Variants in ZNF341 observed in about 807,000 individuals in gnomAD.
ZNF341 encodes zinc finger protein 341.
Under a neutral mutation model 87.7 loss-of-function variants are expected in ZNF341, and 52 were observed. That is an observed-to-expected ratio of 0.59 (90% CI 0.47 to 0.75). ZNF341 has a LOEUF of 0.75. Among genes scored for constraint, ZNF341 ranks in the 30% least tolerant of loss-of-function variants. The probability of loss-of-function intolerance (pLI) is 0.00; values close to 1 mark genes in which losing one functional copy is unlikely to be tolerated. For missense variants in ZNF341, 977 were observed against 1,145.9 expected, an observed-to-expected ratio of 0.85 and a Z score of 2.13; for synonymous variants, 459 against 472.7, an observed-to-expected ratio of 0.97 and a Z score of 0.38.
intron 12 of ZNF341, among the ~76,000 whole-genome samples, chr20:33,786,788 T>C (rs1417372882): frequency 7.6e-6 from 1 of 130,980 alleles, no homozygotes; most frequent in Non-Finnish European, 1.7e-5. Context: ...GCCAACGTGA[T>C]GAAACCCCGT....
Position 33,789,567 on chromosome 20 carries a change from G to A in ZNF341, c.2014G>A (p.Ala672Thr), listed in dbSNP as rs1295434436. Residue 672 changes from alanine to threonine, a missense_variant, in exon 14 of 15, where the codon GCC becomes ACC. By Grantham distance (58) the Ala-to-Thr change is moderately conservative. Coordinates refer to ENST00000375200, the MANE Select transcript of ZNF341 (RefSeq NM_001282933.2). ...KEFNRPDKLK[A>T]HILSHSGMKL... ...GTTCAACCGGCCGGACAAGCTGAAG[G>A]CCCACATCCTCTCCCACTCTGGTAA... The A allele has an allele frequency of 4.3e-6, 7 of 1,613,922 alleles. No individual in the cohort carries two copies. In the African/African-American group the frequency reaches 9.3e-5, roughly 22 times the overall value.
intron 12 of ZNF341, among the ~76,000 whole-genome samples, chr20:33,784,570 A>G (rs17090746): frequency 0.034 from 4,875 of 145,358 alleles, 273 homozygotes; most frequent in African/African-American, 0.12. Flanking sequence ...CCACCGCTAA[A>G]GCAGAGAAGA....
At chr20:33,749,619 A>G (rs1296225121) in intron 4 of ZNF341, among the ~76,000 whole-genome samples, 1 of 151,278 alleles carries the variant, frequency 6.6e-6, no homozygotes, top group East Asian at 1.9e-4. Context: ...TTTAATGGAG[A>G]CGGGGTTTCA....
chr20:33,766,956 G>A lies in ZNF341; in HGVS notation c.1328G>A (p.Ser443Asn). 4 of 1,614,216 alleles carry A rather than the reference G, an allele frequency of 2.5e-6. No individual in the cohort carries two copies. Among genetic ancestry groups the A allele is most frequent in the Non-Finnish European group, 3.4e-6 (4 of 1,180,036 alleles). The change falls in exon 9 of 15, where the codon AGC becomes AAC. Residue 443 changes from serine to asparagine, a missense_variant. Physicochemically the swap from Ser to Asn is conservative, Grantham distance 46. Coordinates refer to ENST00000375200, the MANE Select transcript of ZNF341 (RefSeq NM_001282933.2). Reference sequence around the variant, plus strand: ...TCCAAGCAGGTGGTCCTCATCGACAGCTCCTACCTGTGCCAATTCTGCCCC... The same window carrying A: ...TCCAAGCAGGTGGTCCTCATCGACAACTCCTACCTGTGCCAATTCTGCCCC... ...PESKQVVLID[S>N]SYLCQFCPSK... is the part of the protein sequence containing the mutation.
chr20:33,756,624 T>A (rs1039946020), intron 5 of ZNF341, among the ~76,000 whole-genome samples: 1 of 152,148 alleles, frequency 6.6e-6, no homozygotes, highest in Non-Finnish European at 1.5e-5. Context: ...CACCTTGGTC[T>A]CCCAAAGTGC....
At chr20:33,740,644 A>G (rs1462868033) in intron 1 of ZNF341, among the ~76,000 whole-genome samples, 1 of 152,122 alleles carries the variant, frequency 6.6e-6, no homozygotes, top group Non-Finnish European at 1.5e-5. Flanking sequence ...AGCTGGGACC[A>G]CAGGCATGCA....
In ZNF341 at chr20:33,764,561, ATTTTTTT is replaced by A. The variant is rs1164096634; in HGVS notation, c.1223-2267_1223-2261del. 8.6e-3 allele frequency among the ~76,000 whole-genome samples: 243 copies of A among 28,282 alleles called. 1 individual carries two copies. The highest frequency in any genetic ancestry group is 0.025 in the African/African-American group (228 of 9,004). The allele number at this position is 28,282 out of a possible 152,430, so 18.6% of individuals were successfully genotyped here. On this transcript the variant is annotated intron_variant, in intron 8 of 14. Transcript: ENST00000375200. ...TGTATGTGTATATATATATATATATATTTTTTTTTTTTTTTTTTTTTTTTTTTTTGAG... is the reference window on the plus strand; with the variant it reads ...TGTATGTGTATATATATATATATATATTTTTTTTTTTTTTTTTTTTTTGAG...
intron 2 of ZNF341, among the ~76,000 whole-genome samples, chr20:33,742,798 G>A (rs1292205145): frequency 1.3e-5 from 2 of 152,156 alleles, no homozygotes; most frequent in Non-Finnish European, 2.9e-5. Flanking sequence ...TGAGGAAGTT[G>A]CAGATACGGT....
chr20:33,783,992 C>A lies in ZNF341; in HGVS notation c.1852+128C>A. The A allele has an allele frequency of 3.4e-6, 3 of 871,156 alleles. No homozygotes were observed. The South Asian group carries it at 5.1e-5, about 15-fold the overall frequency. The allele number at this position is 871,156 out of a possible 1,614,324, so 54.0% of individuals were successfully genotyped here. A position where few individuals can be genotyped will look rare whatever the true frequency, so the allele number is the denominator to read the frequency against. On this transcript the variant is annotated intron_variant, in intron 12 of 14. Coordinates refer to ENST00000375200, the MANE Select transcript of ZNF341 (RefSeq NM_001282933.2). ...CTGTCTCCCTCAGCCCCTTTTCCCT[C>A]CACTTCTCCATCTCCCTCCCCATCT...
intron 5 of ZNF341, 121 bp from the exon 6 acceptor site, chr20:33,757,027 T>C: frequency 1.3e-6 from 1 of 778,378 alleles, no homozygotes; most frequent in Non-Finnish European, 1.9e-6. Context: ...GTGGAGGGGC[T>C]GTGATGGTGA....
chr20:33,759,206 C>T (rs2019242899), intron 7 of ZNF341, among the ~76,000 whole-genome samples: 2 of 152,186 alleles, frequency 1.3e-5, no homozygotes, highest in Admixed American at 1.3e-4. Flanking sequence ...GCAGGGATCC[C>T]TTCTGGGCCT....
chr20:33,770,407 A>G, intron 10 of ZNF341, 115 bp downstream of exon 10: 1 of 1,074,082 alleles, frequency 9.3e-7, no homozygotes, highest in Admixed American at 2.6e-5. Flanking sequence ...TTGAAAGGAG[A>G]AACCGAGGCT....
chr20:33,736,924 T>C (rs1171526032), intron 1 of ZNF341, among the ~76,000 whole-genome samples: 1 of 151,218 alleles, frequency 6.6e-6, no homozygotes, highest in Non-Finnish European at 1.5e-5. Flanking sequence ...GGTGAGAGAG[T>C]CCAGACAAAG....
chr20:33,738,501 C>T (rs1286485908), intron 1 of ZNF341, among the ~76,000 whole-genome samples: 1 of 152,112 alleles, frequency 6.6e-6, no homozygotes, highest in East Asian at 1.9e-4. Flanking sequence ...CCCTAGTTAT[C>T]TTGGCCCAAG....
chr20:33,736,020 A>G (rs193071063), intron 1 of ZNF341, among the ~76,000 whole-genome samples: 1 of 149,488 alleles, frequency 6.7e-6, no homozygotes, highest in East Asian at 2.0e-4. Context: ...GTTCCTTTTT[A>G]TTGCTTAGTA....
At position 33,770,283 on chromosome 20, in the gene ZNF341, C is replaced by T. The variant is rs761312652; in HGVS notation, c.1613C>T (p.Ala538Val). The change falls in exon 10 of 15, where the codon GCC becomes GTC. Residue 538 changes from alanine (A) to valine (V), a missense_variant. By Grantham distance (64) the Ala-to-Val change is moderately conservative. Around this residue, in one of 3 missense-constraint regions of ZNF341, gnomAD observed 241 missense variants for 335.0 expected, o/e 0.72. Coordinates refer to ENST00000375200, the MANE Select transcript of ZNF341 (RefSeq NM_001282933.2). ...LPQHSPKKDN[A>V]VYKCVKCVNK... is the part of the protein sequence containing the mutation. ...CAGCACAGCCCCAAGAAGGACAATG[C>T]CGTCTACAAGTAAGTGCCTCCTGCT... is the stretch of plus-strand genomic sequence containing the variant. 3 of 1,586,120 alleles carry T rather than the reference C, an allele frequency of 1.9e-6. No homozygotes were observed. The highest frequency in any genetic ancestry group is 2.6e-6 in the Non-Finnish European group (3 of 1,162,616).
chr20:33,752,327 C>T, intron 4 of ZNF341: 1 of 618,294 alleles, frequency 1.6e-6, no homozygotes, highest in South Asian at 1.4e-5. Context: ...TCCTTTGTCT[C>T]AGACAGCTTT....
chr20:33,790,643 T>A (rs1195703338), intron 14 of ZNF341, among the ~76,000 whole-genome samples: 1 of 152,174 alleles, frequency 6.6e-6, no homozygotes, highest in African/African-American at 2.4e-5. Flanking sequence ...GGAGTCTTAG[T>A]GCTGCCATGT....
intron 10 of ZNF341, among the ~76,000 whole-genome samples, chr20:33,772,331 T>A (rs1026420549): frequency 6.6e-6 from 1 of 152,172 alleles, no homozygotes; most frequent in African/African-American, 2.4e-5. Flanking sequence ...TAGCAAATAT[T>A]TTCCCATTAC....
Sources: gnomAD v4.1 joint callset for allele counts (sites outside exome capture counted in the v4.1 genomes callset) on GRCh38, gnomAD v4.1.1 for gene constraint, gnomAD v4.1.1 regional missense constraint, MANE v1.5 for transcripts, NCBI Gene and HGNC (gene_info 2026-07-23, HGNC 2026-07-21) for gene names.